The following ZNF558 variants were observed in gnomAD, a reference collection of about 807,000 sequenced individuals.
ZNF558 encodes zinc finger protein 558.
A neutral mutation model predicts 37.6 loss-of-function variants in ZNF558; 23 were observed. That is an observed-to-expected ratio of 0.61 (90% CI 0.44 to 0.87). The LOEUF (loss-of-function observed/expected upper bound fraction) is 0.87. ZNF558 is among the 40% of genes least tolerant of loss of function. ZNF558 has a pLI of 0.00. For missense variants in ZNF558, 429 were observed against 483.7 expected, an observed-to-expected ratio of 0.89 and a Z score of 1.06; for synonymous variants, 189 against 174.4, an observed-to-expected ratio of 1.08 and a Z score of -0.66.
At chr19:8,828,069 A>G (rs1327791407) in intron 2 of ZNF558, among the ~76,000 whole-genome samples, 2 of 152,222 alleles carry the variant, frequency 1.3e-5, no homozygotes, top group Non-Finnish European at 2.9e-5. Flanking sequence ...GAGATGGAGC[A>G]GCAATTCCCT....
intron 6 of ZNF558, chr19:8,821,795 A>C: frequency 1.4e-6 from 2 of 1,400,040 alleles, no homozygotes; most frequent in African/African-American, 1.4e-5. Context: ...TGATGTACTC[A>C]GGGACCCTGG....
intron 7 of ZNF558, among the ~76,000 whole-genome samples, chr19:8,820,613 CT>C (rs1182004595): frequency 2.6e-5 from 1 of 38,662 alleles, no homozygotes; most frequent in African/African-American, 8.3e-5. Context: ...TCCTGACTAG[CT>C]GGGGATAGGT....
chr19:8,813,198 A>C lies in ZNF558; in HGVS notation c.272T>G (p.Leu91Arg), dbSNP rs1555769028. The C allele has an allele frequency of 6.3e-7, 1 of 1,597,670 alleles. No homozygotes were observed. The highest frequency in any genetic ancestry group is 1.3e-5 in the African/African-American group (1 of 74,944). The change falls in exon 8 of 10, where the codon CTG becomes CGG. Residue 91 changes from leucine to arginine, a missense_variant. Physicochemically the swap from Leu to Arg is moderately radical, Grantham distance 102. Coordinates refer to ENST00000601372, the MANE Select transcript of ZNF558 (RefSeq NM_144693.3). ...SLGCRVNKPS[L>R]ISQLEQDKKV... ...CTTGTCTTGTTCCAACTGGGATATCAGACTGGGTTTATTAACACGACACCC... is the reference window on the plus strand; with the variant it reads ...CTTGTCTTGTTCCAACTGGGATATCCGACTGGGTTTATTAACACGACACCC...
upstream of ZNF558, chr19:8,832,448 C>T (rs892345959): frequency 6.5e-6 from 1 of 152,844 alleles, no homozygotes; most frequent in African/African-American, 2.4e-5. Context: ...GGCCGCGAAC[C>T]CCAGCCTTGG....
chr19:8,825,301 G>A (rs2044206484), intron 2 of ZNF558, among the ~76,000 whole-genome samples, 193 bp from the exon 3 acceptor site: 1 of 152,198 alleles, frequency 6.6e-6, no homozygotes, highest in Non-Finnish European at 1.5e-5. Context: ...GGGATTGGGT[G>A]AATAAACTAT....
chr19:8,812,163 A>G (rs1555768494), intron 9 of ZNF558, 100 bp from the exon 10 acceptor site: 2 of 1,158,470 alleles, frequency 1.7e-6, no homozygotes, highest in African/African-American at 1.6e-5. Flanking sequence ...TTACATTATT[A>G]TAATTGATAT....
At chr19:8,820,253 T>G (rs551432578) in intron 7 of ZNF558, among the ~76,000 whole-genome samples, 8 of 152,286 alleles carry the variant, frequency 5.3e-5, no homozygotes, top group African/African-American at 1.9e-4. Flanking sequence ...AGACCTAGCC[T>G]TCCACTCCTA....
At chr19:8,825,397 C>G (rs995658552) in intron 2 of ZNF558, among the ~76,000 whole-genome samples, 1 of 151,806 alleles carries the variant, frequency 6.6e-6, no homozygotes, top group Non-Finnish European at 1.5e-5. Context: ...TTTGCAGCAA[C>G]TTAATAAATA....
upstream of ZNF558, among the ~76,000 whole-genome samples, chr19:8,835,630 A>G (rs547443193): frequency 1.2e-4 from 18 of 152,330 alleles, no homozygotes; most frequent in African/African-American, 4.3e-4. Context: ...CAGTTCCTCA[A>G]AAAGTCATAG....
intron 8 of ZNF558, 88 bp downstream of exon 8, chr19:8,813,039 A>C: frequency 1.9e-6 from 2 of 1,025,858 alleles, no homozygotes; most frequent in Non-Finnish European, 3.0e-6. Flanking sequence ...AAGTTCCCTG[A>C]TTGACATGAA....
chr19:8,833,666 G>A (rs1474388357), upstream of ZNF558: 1 of 152,212 alleles, frequency 6.6e-6, no homozygotes, highest in Non-Finnish European at 1.5e-5. Flanking sequence ...GTGATAAATA[G>A]AATACATGGT....
intron 7 of ZNF558, among the ~76,000 whole-genome samples, chr19:8,817,085 CAAT>C (rs1424741393): frequency 1.3e-5 from 2 of 151,542 alleles, no homozygotes; most frequent in Admixed American, 1.3e-4. Context: ...CACAAAACAA[CAAT>C]GAAAGAACTT....
intron 4 of ZNF558, 65 bp downstream of exon 4, chr19:8,824,017 C>G (rs77595053): frequency 6.5e-6 from 1 of 152,734 alleles, no homozygotes; most frequent in African/African-American, 2.4e-5. Flanking sequence ...GAGCCCTTGA[C>G]GATCCCAGCC....
chr19:8,813,476 A>T (rs1386304877), intron 7 of ZNF558, among the ~76,000 whole-genome samples: 2 of 152,086 alleles, frequency 1.3e-5, no homozygotes, highest in Non-Finnish European at 2.9e-5. Flanking sequence ...CTCCTGCCTC[A>T]GCCTCCCAAG....
intron 4 of ZNF558, chr19:8,823,006 C>T: frequency 6.3e-6 from 2 of 315,316 alleles, no homozygotes; most frequent in Non-Finnish European, 1.2e-5. Context: ...TCCAAGCGCA[C>T]CACAAACGCA....
chr19:8,807,434 G>A lies in ZNF558; in HGVS notation c.*3847C>T, dbSNP rs754478625. 4 of 152,266 alleles carry A rather than the reference G, an allele frequency of 2.6e-5. No homozygotes were observed. Among genetic ancestry groups the A allele is most frequent in the African/African-American group, 7.2e-5 (3 of 41,402 alleles). 9.4% of individuals were successfully genotyped at this position (152,266 alleles called of 1,614,324 possible). A position where few individuals can be genotyped will look rare whatever the true frequency, so the allele number is the denominator to read the frequency against. On this transcript the variant is annotated 3_prime_UTR_variant, in exon 10 of 10. Transcript: ENST00000601372. Reference sequence around the variant, plus strand: ...AGTTCCTGCTGGGACCCTGACTGATGTGCCAACTCACTGAAATAAGGAAAA... The same window carrying A: ...AGTTCCTGCTGGGACCCTGACTGATATGCCAACTCACTGAAATAAGGAAAA...
chr19:8,821,441 C>A, intron 6 of ZNF558, 135 bp from the exon 7 acceptor site: 1 of 1,554,564 alleles, frequency 6.4e-7, no homozygotes. Flanking sequence ...TCTGAGCTCA[C>A]CTCCCAGGGT....
chr19:8,821,577 C>T (rs1005382036), intron 6 of ZNF558: 14 of 1,381,924 alleles, frequency 1.0e-5, no homozygotes, highest in Non-Finnish European at 1.0e-5. Flanking sequence ...CACAGTACCA[C>T]AGAGCAGCTG....
rs1555769090 is a variant in ZNF558 at position 8,813,243 on chromosome 19, CAT to C, written c.248-23_248-22del. ...ACACCCTATTTATGGAAACAATACACATGATATAGGTAACAGTGCTGGGGACA... is the reference window on the plus strand; with the variant it reads ...ACACCCTATTTATGGAAACAATACACGATATAGGTAACAGTGCTGGGGACA... On this transcript the variant is annotated intron_variant, in intron 7 of 9. Transcript: ENST00000601372. The C allele has an allele frequency of 5.1e-6, 8 of 1,555,670 alleles. No individual in the cohort carries two copies. The African/African-American group carries it at 5.4e-5, about 11-fold the overall frequency.
Sources: allele counts gnomAD v4.1 joint callset (sites outside exome capture counted in the v4.1 genomes callset), GRCh38; gene constraint gnomAD v4.1.1; transcripts MANE v1.5; gene names NCBI Gene and HGNC (gene_info 2026-07-23, HGNC 2026-07-21).